The following CLMP variants were observed in gnomAD, a reference collection of about 807,000 sequenced individuals.
The protein encoded by CLMP is CXADR-like membrane protein.
In CLMP, 27 loss-of-function variants were observed where a neutral mutation model predicts 45.2. The observed-to-expected ratio is 0.60, with a 90% CI of 0.44 to 0.82. The LOEUF is 0.82. Ranked by LOEUF, CLMP falls within the 40% of genes least tolerant of loss-of-function variation. The probability of loss-of-function intolerance (pLI) is 0.00; values close to 1 mark genes in which losing one functional copy is unlikely to be tolerated. For synonymous variants in CLMP, 167 were observed against 171.4 expected (o/e 0.97, Z 0.20); for missense variants, 403 against 448.4 (o/e 0.90, Z 0.91).
At chr11:123,186,888 T>C (rs1406238869) in intron 1 of CLMP, among the ~76,000 whole-genome samples, 1 of 152,090 alleles carries the variant, frequency 6.6e-6, no homozygotes, top group Non-Finnish European at 1.5e-5. Context: ...GGGACTCACC[T>C]ATAGGGTGAG....
chr11:123,109,495 C>G (rs78817148), intron 1 of CLMP, among the ~76,000 whole-genome samples: 10,482 of 152,162 alleles, frequency 0.069, 492 homozygotes, highest in African/African-American at 0.13. Flanking sequence ...TTCCCCACAC[C>G]GAAGATGATT....
At chr11:123,167,539 C>A (rs1393417716) in intron 1 of CLMP, among the ~76,000 whole-genome samples, 1 of 150,048 alleles carries the variant, frequency 6.7e-6, no homozygotes, top group Admixed American at 6.6e-5. Flanking sequence ...CCTGCCTTGG[C>A]CTCCCAAAGT....
chr11:123,106,775 C>T (rs575739708), intron 1 of CLMP, among the ~76,000 whole-genome samples: 3 of 151,996 alleles, frequency 2.0e-5, no homozygotes, highest in South Asian at 4.2e-4. Context: ...AATCCCAGCA[C>T]GTTGGGAGGT....
At chr11:123,145,834 C>T (rs999234208) in intron 1 of CLMP, among the ~76,000 whole-genome samples, 2 of 152,216 alleles carry the variant, frequency 1.3e-5, no homozygotes, top group Non-Finnish European at 2.9e-5. Context: ...CCCGCACTTC[C>T]CTGCCTTAGT....
intron 5 of CLMP, among the ~76,000 whole-genome samples, chr11:123,079,626 T>C (rs1865778427): frequency 6.6e-6 from 1 of 152,134 alleles, no homozygotes; most frequent in Non-Finnish European, 1.5e-5. Flanking sequence ...TGTGTGTTTT[T>C]AGTAGAGACG....
At position 123,150,561 on chromosome 11, in the gene CLMP, A is replaced by AAAGG. The variant is rs1250034256; in HGVS notation, c.28+44348_28+44351dup. ...CAAGCAAGGAAGGAAGGAAGGAAGG[A>AAAGG]AAGGAAGGAAGGAAGGAAGGAAAGG... On this transcript the variant is annotated intron_variant, in intron 1 of 6. Coordinates refer to ENST00000448775, the MANE Select transcript of CLMP (RefSeq NM_024769.5). 7.9e-4 allele frequency among the ~76,000 whole-genome samples: 96 copies of AAAGG among 120,768 alleles called. 3 individuals are homozygous for AAAGG. The highest frequency in any genetic ancestry group is 2.3e-3 in the South Asian group (8 of 3,454). The allele number at this position is 120,768 out of a possible 152,430, so 79.2% of individuals were successfully genotyped here.
chr11:123,087,655 T>A (rs1865881154), intron 2 of CLMP, among the ~76,000 whole-genome samples: 1 of 151,386 alleles, frequency 6.6e-6, no homozygotes, highest in African/African-American at 2.4e-5. Context: ...ACCCTGTCTC[T>A]ACTAAAAATA....
At chr11:123,098,112 A>C (rs1866011960) in intron 1 of CLMP, 160 bp from the exon 2 acceptor site, 2 of 466,312 alleles carry the variant, frequency 4.3e-6, no homozygotes, top group Non-Finnish European at 7.3e-6. Flanking sequence ...CTGGTCTCAC[A>C]CTGGCTCCTC....
In CLMP at chr11:123,072,423, G is replaced by A. The variant is rs1865682513; in HGVS notation, c.*1051C>T. ...TGCTGGATTTTCCTACAGGTGCCTG[G>A]CACCATGCCCGGCTACCTTCCTTGA... On this transcript the variant is annotated 3_prime_UTR_variant, in exon 7 of 7. Coordinates refer to ENST00000448775, the MANE Select transcript of CLMP (RefSeq NM_024769.5). 6.6e-6 allele frequency: 1 copy of A among 151,882 alleles called. No individual in the cohort carries two copies. The highest frequency in any genetic ancestry group is 1.5e-5 in the Non-Finnish European group (1 of 67,976). The allele number at this position is 151,882 out of a possible 1,614,324, so 9.4% of individuals were successfully genotyped here.
intron 2 of CLMP, among the ~76,000 whole-genome samples, chr11:123,089,349 C>T (rs1378898947): frequency 6.7e-6 from 1 of 150,038 alleles, no homozygotes; most frequent in Non-Finnish European, 1.5e-5. Flanking sequence ...CATGCCACTG[C>T]ACTTCAGTCA....
At chr11:123,093,690 A>T (rs1344214688) in intron 2 of CLMP, among the ~76,000 whole-genome samples, 1 of 132,674 alleles carries the variant, frequency 7.5e-6, no homozygotes, top group Non-Finnish European at 1.6e-5. Context: ...TTATCCTAAG[A>T]AGTGTAGTGT....
intron 2 of CLMP, among the ~76,000 whole-genome samples, chr11:123,094,606 C>T (rs1379422327): frequency 6.6e-6 from 1 of 152,176 alleles, no homozygotes. Context: ...CTCTGTTGCT[C>T]AGGCCATCTG....
chr11:123,122,495 T>G (rs928498437), intron 1 of CLMP, among the ~76,000 whole-genome samples: 3 of 152,188 alleles, frequency 2.0e-5, no homozygotes, highest in Admixed American at 1.3e-4. Flanking sequence ...ACAGAACAGC[T>G]TGTCCGTGTA....
chr11:123,194,089 C>CATCCCTG (rs917112185), intron 1 of CLMP, among the ~76,000 whole-genome samples: 3 of 152,072 alleles, frequency 2.0e-5, no homozygotes, highest in African/African-American at 7.2e-5. Context: ...CTACCACCCA[C>CATCCCTG]ATCCCTGATG....
At chr11:123,076,314 C>A (rs1370539425) in intron 5 of CLMP, among the ~76,000 whole-genome samples, 1 of 152,108 alleles carries the variant, frequency 6.6e-6, no homozygotes, top group Admixed American at 6.6e-5. Flanking sequence ...TTTTCATATA[C>A]CAAATATTTA....
intron 1 of CLMP, among the ~76,000 whole-genome samples, chr11:123,140,218 C>T (rs928249028): frequency 6.6e-6 from 1 of 151,994 alleles, no homozygotes; most frequent in Non-Finnish European, 1.5e-5. Context: ...TTATCTGGGT[C>T]GCTCAGGAGG....
intron 1 of CLMP, among the ~76,000 whole-genome samples, chr11:123,129,674 T>C (rs1336429222): frequency 7.0e-6 from 1 of 142,384 alleles, no homozygotes. Context: ...TTTATATATA[T>C]AAATATTATA....
rs139960670 is a variant in CLMP at position 123,073,697 on chromosome 11, C to T, written c.899G>A (p.Gly300Asp). The T allele has an allele frequency of 2.5e-5, 41 of 1,614,162 alleles. No individual in the cohort carries two copies. In the African/African-American group the frequency reaches 4.9e-4, roughly 19 times the overall value. The change falls in exon 7 of 7, where the codon GGT becomes GAT. Residue 300 changes from glycine (G) to aspartate (D), a missense_variant. Coordinates refer to ENST00000448775, the MANE Select transcript of CLMP (RefSeq NM_024769.5). Reference protein sequence around the residue: ...SSSGSRSSRSGSSSTRSTANS... With the variant: ...SSSGSRSSRSDSSSTRSTANS... ...TGCTGTGGAGCGAGTGGAGGAAGAACCAGAGCGTGAGCTCCGAGAGCCTGA... is the reference window on the plus strand; with the variant it reads ...TGCTGTGGAGCGAGTGGAGGAAGAATCAGAGCGTGAGCTCCGAGAGCCTGA...
At chr11:123,133,083 G>A (rs1209133727) in intron 1 of CLMP, among the ~76,000 whole-genome samples, 2 of 152,174 alleles carry the variant, frequency 1.3e-5, no homozygotes, top group Middle Eastern at 3.4e-3. Context: ...GATTATAACT[G>A]CCCACTAAGG....
Sources: gnomAD v4.1 joint callset for allele counts (sites outside exome capture counted in the v4.1 genomes callset) on GRCh38, gnomAD v4.1.1 for gene constraint, MANE v1.5 for transcripts, NCBI Gene and HGNC (gene_info 2026-07-23, HGNC 2026-07-21) for gene names.